Variants in MCTP2 observed in about 807,000 individuals in gnomAD.
MCTP2 encodes the protein multiple C2 and transmembrane domain containing 2.
Under a neutral mutation model 111.6 loss-of-function variants are expected in MCTP2, and 132 were observed. The ratio of observed to expected loss-of-function variants is 1.18; its 90% CI spans 1.03 to 1.37. The LOEUF is 1.37. MCTP2 is among the 40% of genes most tolerant of loss of function. MCTP2 has a pLI of 0.00. For missense variants in MCTP2, 1,183 were observed against 1,067.9 expected (o/e 1.11, Z -1.50); for synonymous variants, 395 against 387.7 (o/e 1.02, Z -0.22).
intron 1 of MCTP2, among the ~76,000 whole-genome samples, chr15:94,243,791 A>G (rs1024642313): frequency 1.3e-5 from 2 of 148,374 alleles, no homozygotes; most frequent in African/African-American, 2.5e-5. Context: ...ATATATGTAT[A>G]TACACATATG....
At chr15:94,402,758 T>A (rs1486678309) in intron 17 of MCTP2, 2 of 1,425,102 alleles carry the variant, frequency 1.4e-6, no homozygotes, top group African/African-American at 1.4e-5. Flanking sequence ...AGAAATCAAG[T>A]CTCCCGACTG....
intron 10 of MCTP2, among the ~76,000 whole-genome samples, chr15:94,360,319 C>T (rs916697216): frequency 2.0e-5 from 3 of 152,160 alleles, no homozygotes; most frequent in Non-Finnish European, 4.4e-5. Context: ...ACAGACATGG[C>T]CTGTCGGATG....
intron 1 of MCTP2, among the ~76,000 whole-genome samples, chr15:94,260,175 A>G (rs1248658722): frequency 6.6e-6 from 1 of 152,150 alleles, no homozygotes; most frequent in Non-Finnish European, 1.5e-5. Flanking sequence ...GATTCTGGCC[A>G]CGGAAACTTC....
At chr15:94,273,820 G>T in intron 1 of MCTP2, 1 of 217,916 alleles carries the variant, frequency 4.6e-6, no homozygotes. Flanking sequence ...ACATTGAGCA[G>T]GTGCAGTGTG....
rs76954681 is a variant in MCTP2, at chr15:94,296,999, C to T, written c.-65-1202C>T. On this transcript the variant is annotated intron_variant, in intron 1 of 22. Coordinates refer to ENST00000357742, the MANE Select transcript of MCTP2 (RefSeq NM_001385001.1). ...ATTCTTCACAATGATAAACTGTCCT[C>T]TCCTTGAAGGAGCTGGGGTGGGGCA... 5.3e-3 allele frequency among the ~76,000 whole-genome samples: 805 copies of T among 152,310 alleles called. 4 individuals carry two copies. The highest frequency in any genetic ancestry group is 0.018 in the African/African-American group (758 of 41,580).
chr15:94,269,677 T>A (rs1274637889), intron 1 of MCTP2, among the ~76,000 whole-genome samples: 3 of 152,200 alleles, frequency 2.0e-5, no homozygotes, highest in African/African-American at 7.2e-5. Flanking sequence ...AAATACATTT[T>A]AATATAACCA....
chr15:94,336,686 T>C (rs1398388262), intron 4 of MCTP2, among the ~76,000 whole-genome samples: 1 of 151,062 alleles, frequency 6.6e-6, no homozygotes, highest in East Asian at 1.9e-4. Flanking sequence ...CATATATATA[T>C]ATATATATGT....
At position 94,309,533 on chromosome 15, in the gene MCTP2, G is replaced by A. The variant is rs149564551; in HGVS notation, c.466-4749G>A. On this transcript the variant is annotated intron_variant, in intron 2 of 22. Transcript: ENST00000357742. ...GCTTCCTGTGTGTGCCTCATAGTAA[G>A]ACCCTTCAGACAGCCACATGGGAGA... Among the ~76,000 whole-genome samples the A allele has an allele frequency of 1.4e-3, 214 of 152,236 alleles. 7 individuals are homozygous for A. In the East Asian group the frequency reaches 0.028, roughly 20 times the overall value.
At chr15:94,382,926 G>T (rs1027509313) in intron 12 of MCTP2, among the ~76,000 whole-genome samples, 1 of 152,250 alleles carries the variant, frequency 6.6e-6, no homozygotes, top group Admixed American at 6.5e-5. Context: ...CAAAAGGGAA[G>T]TGAGTTTTTT....
chr15:94,442,031 T>A (rs897952120), intron 18 of MCTP2, among the ~76,000 whole-genome samples: 6 of 152,230 alleles, frequency 3.9e-5, no homozygotes, highest in African/African-American at 1.4e-4. Flanking sequence ...CTCTGGATAC[T>A]TTAGAGTTAC....
intron 14 of MCTP2, among the ~76,000 whole-genome samples, chr15:94,388,642 A>G (rs568323830): frequency 1.3e-5 from 2 of 152,084 alleles, no homozygotes; most frequent in South Asian, 4.2e-4. Flanking sequence ...TTTTTCTTTA[A>G]TCTCTCTTGA....
intron 19 of MCTP2, among the ~76,000 whole-genome samples, chr15:94,455,928 A>G (rs948022844): frequency 3.3e-5 from 5 of 152,256 alleles, no homozygotes; most frequent in African/African-American, 9.6e-5. Flanking sequence ...ATATGAATAT[A>G]TATCACAAAT....
intron 1 of MCTP2, among the ~76,000 whole-genome samples, chr15:94,277,713 C>T (rs910717515): frequency 2.6e-5 from 4 of 151,986 alleles, no homozygotes; most frequent in African/African-American, 9.7e-5. Context: ...TTTTTTATGA[C>T]GTACAGAAAC....
chr15:94,407,593 C>T (rs766033207), intron 17 of MCTP2, among the ~76,000 whole-genome samples: 15 of 152,034 alleles, frequency 9.9e-5, no homozygotes, highest in Non-Finnish European at 1.8e-4. Flanking sequence ...TCAACCTCTC[C>T]CTCAATAAAG....
chr15:94,276,272 GAAA>G (rs2074207338), intron 1 of MCTP2, among the ~76,000 whole-genome samples: 1 of 152,038 alleles, frequency 6.6e-6, no homozygotes, highest in Non-Finnish European at 1.5e-5. Flanking sequence ...GCAATATAAT[GAAA>G]TTTTATGTTG....
intron 17 of MCTP2, among the ~76,000 whole-genome samples, chr15:94,428,854 C>A (rs1032551031): frequency 4.6e-5 from 7 of 151,962 alleles, no homozygotes; most frequent in African/African-American, 1.7e-4. Context: ...TCACATAGTC[C>A]ATCTTTAAAA....
chr15:94,480,995 AG>A lies in MCTP2; in HGVS notation c.*1962del, dbSNP rs2074697789. On this transcript the variant is annotated 3_prime_UTR_variant, in exon 23 of 23. Transcript: ENST00000357742. ...ATAGAAAACAATTGTTAGTTGATTA[AG>A]TAGACATTGGATGTTTGTTAGAAAG... 1 of 152,242 alleles carries A rather than the reference AG, an allele frequency of 6.6e-6. No homozygotes were observed. Among genetic ancestry groups the A allele is most frequent in the South Asian group, 2.1e-4 (1 of 4,836 alleles). 9.4% of individuals were successfully genotyped at this position (152,242 alleles called of 1,614,324 possible).
At chr15:94,252,632 ATT>A (rs201850560) in intron 1 of MCTP2, among the ~76,000 whole-genome samples, 2 of 146,530 alleles carry the variant, frequency 1.4e-5, no homozygotes, top group Non-Finnish European at 1.5e-5. Flanking sequence ...TGGTTTACAG[ATT>A]TTTTTTTTTT....
rs749245108 is a variant in MCTP2 at position 94,358,526 on chromosome 15, C to T, written c.1215C>T (p.Asp405=). 7 of 1,613,730 alleles carry T rather than the reference C, an allele frequency of 4.3e-6. No individual in the cohort carries two copies. Among genetic ancestry groups the T allele is most frequent in the Non-Finnish European group, 5.9e-6 (7 of 1,179,732 alleles). Residue 405 remains aspartate, a synonymous_variant, in exon 10 of 23, where the codon GAC becomes GAT. Coordinates refer to ENST00000357742, the MANE Select transcript of MCTP2 (RefSeq NM_001385001.1). ...SANPQWQEQF[D]FHYFSDRMGI... ...ATCCGCAGTGGCAGGAACAGTTTGA[C>T]TTTCACTACTTCTCTGACAGGATGG...
Sources: gnomAD v4.1 joint callset for allele counts (sites outside exome capture counted in the v4.1 genomes callset) on GRCh38, gnomAD v4.1.1 for gene constraint, MANE v1.5 for transcripts, NCBI Gene and HGNC (gene_info 2026-07-23, HGNC 2026-07-21) for gene names.